FARP1: variants seen among roughly 807,000 people sequenced by gnomAD.
The protein encoded by FARP1 is FERM, ARHGEF and pleckstrin domain-containing protein 1.
A neutral mutation model predicts 128.8 loss-of-function variants in FARP1; 52 were observed. The ratio of observed to expected loss-of-function variants is 0.40; its 90% CI spans 0.32 to 0.51. FARP1 has a LOEUF of 0.51. Among genes scored for constraint, FARP1 ranks in the 20% least tolerant of loss-of-function variants. The pLI is 0.45. For synonymous variants in FARP1, 580 were observed against 551.8 expected (o/e 1.05, Z -0.72); for missense variants, 1,333 against 1,367.9 (o/e 0.97, Z 0.40).
At chr13:98,226,125 A>G (rs1175036170) in intron 2 of FARP1, among the ~76,000 whole-genome samples, 2 of 152,178 alleles carry the variant, frequency 1.3e-5, no homozygotes, top group African/African-American at 4.8e-5. Context: ...GAAGAATCTC[A>G]GTGTATGGTC....
chr13:98,397,460 C>T (rs1214391734), intron 13 of FARP1: 1 of 152,174 alleles, frequency 6.6e-6, no homozygotes, highest in Non-Finnish European at 1.5e-5. Flanking sequence ...AATAGTGATA[C>T]TTGGATGTTT....
intron 2 of FARP1, among the ~76,000 whole-genome samples, chr13:98,257,765 A>G (rs1883679874): frequency 6.6e-6 from 1 of 152,084 alleles, no homozygotes; most frequent in African/African-American, 2.4e-5. Context: ...GCAAGACTCC[A>G]TCTTGAGGGG....
intron 1 of FARP1, among the ~76,000 whole-genome samples, chr13:98,188,891 C>T (rs1214796261): frequency 6.6e-6 from 1 of 152,188 alleles, no homozygotes; most frequent in Non-Finnish European, 1.5e-5. Flanking sequence ...TACCAATTGA[C>T]CTTATGTGTG....
chr13:98,210,355 A>G (rs1880603746), intron 1 of FARP1, among the ~76,000 whole-genome samples: 1 of 151,870 alleles, frequency 6.6e-6, no homozygotes, highest in African/African-American at 2.4e-5. Flanking sequence ...CATTGATTCT[A>G]ATGGCTTTCA....
At chr13:98,215,824 C>T (rs1342142784) in intron 2 of FARP1, among the ~76,000 whole-genome samples, 1 of 150,956 alleles carries the variant, frequency 6.6e-6, no homozygotes, top group Non-Finnish European at 1.5e-5. Context: ...CGGAGTCTTG[C>T]TGTGTCTCTA....
Position 98,176,825 on chromosome 13 carries a change from G to A in FARP1, c.-24+33333G>A, listed in dbSNP as rs1348951319. The A allele has an allele frequency of 9.9e-6, 16 of 1,612,724 alleles. No homozygotes were observed. The highest frequency in any genetic ancestry group is 1.4e-5 in the Non-Finnish European group (16 of 1,180,004). On this transcript the variant is annotated intron_variant, in intron 1 of 26. Coordinates refer to ENST00000319562, the MANE Select transcript of FARP1 (RefSeq NM_005766.4). The surrounding 1 kb of genome is among the most constrained non-coding windows in gnomAD (Gnocchi z 6.2). ...ATGTGGTCGTGCTCCCGACCCCGCAGTGCCTCCTGGACCCGCTGGCTGCAC... is the reference window on the plus strand; with the variant it reads ...ATGTGGTCGTGCTCCCGACCCCGCAATGCCTCCTGGACCCGCTGGCTGCAC...
chr13:98,454,150 A>G lies in FARP1; in HGVS notation c.*5833A>G, dbSNP rs1440657003. 6.6e-6 allele frequency: 1 copy of G among 152,260 alleles called. No homozygotes were observed. Among genetic ancestry groups the G allele is most frequent in the East Asian group, 1.9e-4 (1 of 5,206 alleles). The allele number at this position is 152,260 out of a possible 1,614,324, so 9.4% of individuals were successfully genotyped here. On this transcript the variant is annotated 3_prime_UTR_variant, in exon 27 of 27. Coordinates refer to ENST00000319562, the MANE Select transcript of FARP1 (RefSeq NM_005766.4). ...AAATCTTCTTTGCACTATAAGGTAG[A>G]TAAGAGAATTCAGTAAGTTTATGAC... is the stretch of plus-strand genomic sequence containing the variant.
chr13:98,426,782 T>TTA, intron 17 of FARP1, among the ~76,000 whole-genome samples: 1 of 152,262 alleles, frequency 6.6e-6, no homozygotes. Context: ...TTACCTAAGA[T>TTA]GTTCCATAGC....
intron 19 of FARP1, among the ~76,000 whole-genome samples, chr13:98,437,027 A>G (rs1209809420): frequency 6.6e-6 from 1 of 152,206 alleles, no homozygotes; most frequent in Non-Finnish European, 1.5e-5. Context: ...GGGACCATGC[A>G]CATGGAGACC....
At chr13:98,370,780 T>C (rs1259991729) in intron 5 of FARP1, among the ~76,000 whole-genome samples, 1 of 152,200 alleles carries the variant, frequency 6.6e-6, no homozygotes, top group Non-Finnish European at 1.5e-5. Context: ...GACTTCCCAC[T>C]GCTTTGTGTT....
intron 1 of FARP1, among the ~76,000 whole-genome samples, chr13:98,160,197 A>G (rs183103615): frequency 2.1e-4 from 32 of 152,332 alleles, no homozygotes; most frequent in African/African-American, 7.2e-4. Flanking sequence ...AGGTGAGGGA[A>G]GAAGTTAAAT....
At chr13:98,203,567 G>A (rs1215153137) in intron 1 of FARP1, among the ~76,000 whole-genome samples, 1 of 152,174 alleles carries the variant, frequency 6.6e-6, no homozygotes, top group Non-Finnish European at 1.5e-5. Context: ...TATGTGGCGT[G>A]TGTCAGCATT....
At chr13:98,430,729 T>G (rs375156393) in intron 17 of FARP1, among the ~76,000 whole-genome samples, 1 of 152,208 alleles carries the variant, frequency 6.6e-6, no homozygotes, top group African/African-American at 2.4e-5. Context: ...TGTTGATATA[T>G]TTGTCCCCAG....
intron 11 of FARP1, among the ~76,000 whole-genome samples, chr13:98,392,899 T>C (rs371614435): frequency 2.5e-4 from 38 of 152,084 alleles, no homozygotes; most frequent in African/African-American, 9.2e-4. Context: ...TTGAAAACCA[T>C]GTAAGAAATA....
chr13:98,320,401 C>A (rs1234926342), intron 2 of FARP1, among the ~76,000 whole-genome samples: 1 of 152,190 alleles, frequency 6.6e-6, no homozygotes, highest in Admixed American at 6.5e-5. Context: ...GGGAATAACA[C>A]CTGTGCCTGT....
intron 17 of FARP1, 51 bp from the exon 18 acceptor site, chr13:98,430,992 G>C: frequency 8.3e-7 from 1 of 1,205,104 alleles, no homozygotes; most frequent in East Asian, 2.3e-5. Flanking sequence ...GCAGAACACA[G>C]GTGCATCCCA....
chr13:98,438,004 C>T (rs1202642308), intron 19 of FARP1: 28 of 639,322 alleles, frequency 4.4e-5, no homozygotes, highest in African/African-American at 1.6e-4. Flanking sequence ...TGAGGGAGCA[C>T]GTTCTGGAAG....
chr13:98,318,097 G>T (rs1175401649), intron 2 of FARP1, among the ~76,000 whole-genome samples: 1 of 135,856 alleles, frequency 7.4e-6, no homozygotes, highest in Non-Finnish European at 1.5e-5. Context: ...TTGAAACAGG[G>T]TCTTGCTTTG....
intron 4 of FARP1, among the ~76,000 whole-genome samples, chr13:98,367,136 T>TGATGAC: frequency 7.4e-6 from 1 of 135,190 alleles, no homozygotes; most frequent in African/African-American, 2.6e-5. Context: ...AAATCACAGA[T>TGATGAC]GATGATGATG....
Sources: allele counts gnomAD v4.1 joint callset (sites outside exome capture counted in the v4.1 genomes callset), GRCh38; gene constraint gnomAD v4.1.1; non-coding constraint Gnocchi (gnomAD v3.1); transcripts MANE v1.5; gene names NCBI Gene and HGNC (gene_info 2026-07-23, HGNC 2026-07-21).